FAF1: variants seen among roughly 807,000 people sequenced by gnomAD.
FAF1 encodes the protein Fas associated factor 1.
In FAF1, 25 loss-of-function variants were observed where a neutral mutation model predicts 92.5. The observed-to-expected ratio is 0.27, with a 90% CI of 0.20 to 0.38. The LOEUF (loss-of-function observed/expected upper bound fraction) is 0.38, where lower values mean the gene tolerates loss of function less well. Ranked by LOEUF, FAF1 falls within the 10% of genes least tolerant of loss-of-function variation. The probability of loss-of-function intolerance (pLI) is 1.00; values close to 1 mark genes in which losing one functional copy is unlikely to be tolerated. For missense variants in FAF1, 636 were observed against 793.3 expected (o/e 0.80, Z 2.38); for synonymous variants, 234 against 273.2 (o/e 0.86, Z 1.42).
intron 4 of FAF1, among the ~76,000 whole-genome samples, chr1:50,774,120 T>A (rs1054375809): frequency 6.6e-6 from 1 of 152,186 alleles, no homozygotes; most frequent in African/African-American, 2.4e-5. Flanking sequence ...GCAACAGACA[T>A]CAGTTTGCAG....
chr1:50,938,258 C>T (rs560557277), intron 1 of FAF1, among the ~76,000 whole-genome samples: 2 of 152,152 alleles, frequency 1.3e-5, no homozygotes, highest in South Asian at 4.1e-4. Context: ...TAACAAATAG[C>T]AACTGCAAGA....
intron 8 of FAF1, among the ~76,000 whole-genome samples, chr1:50,618,143 A>G (rs569448160): frequency 2.0e-5 from 3 of 152,130 alleles, no homozygotes; most frequent in Admixed American, 6.5e-5. Flanking sequence ...TTGCATCTCA[A>G]TTTCATCATG....
intron 7 of FAF1, among the ~76,000 whole-genome samples, chr1:50,671,483 A>G (rs1474215338): frequency 6.6e-6 from 1 of 152,136 alleles, no homozygotes; most frequent in African/African-American, 2.4e-5. Flanking sequence ...ATCAATCCAT[A>G]CATTCACAAA....
intron 1 of FAF1, among the ~76,000 whole-genome samples, chr1:50,945,132 T>TA (rs1645163857): frequency 1.3e-5 from 2 of 152,204 alleles, no homozygotes; most frequent in African/African-American, 4.8e-5. Context: ...AAGCATCAAA[T>TA]ACCTTGACAA....
intron 1 of FAF1, among the ~76,000 whole-genome samples, chr1:50,910,313 T>C (rs899586913): frequency 6.6e-6 from 1 of 152,200 alleles, no homozygotes; most frequent in African/African-American, 2.4e-5. Context: ...GTCTCCCAGT[T>C]AGGCTACTCA....
chr1:50,693,031 C>T (rs570789738), intron 7 of FAF1, among the ~76,000 whole-genome samples: 14 of 152,252 alleles, frequency 9.2e-5, no homozygotes, highest in Non-Finnish European at 1.6e-4. Context: ...TGTCATTTTA[C>T]TGATGATGCC....
chr1:50,549,270 AAATT>A (rs1649176045), intron 13 of FAF1, among the ~76,000 whole-genome samples: 1 of 152,118 alleles, frequency 6.6e-6, no homozygotes, highest in Admixed American at 6.5e-5. Context: ...CATGTTCCCT[AAATT>A]TTCTAGCTGC....
intron 1 of FAF1, among the ~76,000 whole-genome samples, chr1:50,906,193 G>A (rs546600430): frequency 7.2e-5 from 11 of 152,108 alleles, no homozygotes; most frequent in Non-Finnish European, 1.2e-4. Context: ...GGTTGTAGAT[G>A]TGTGGTATTA....
chr1:50,935,282 A>C (rs1489920703), intron 1 of FAF1, among the ~76,000 whole-genome samples: 1 of 152,198 alleles, frequency 6.6e-6, no homozygotes, highest in Non-Finnish European at 1.5e-5. Flanking sequence ...TTTTCTAGGA[A>C]GGATGATCAT....
intron 6 of FAF1, among the ~76,000 whole-genome samples, chr1:50,728,503 G>A (rs555445953): frequency 6.6e-6 from 1 of 152,066 alleles, no homozygotes; most frequent in Non-Finnish European, 1.5e-5. Context: ...GAAAGCTAGT[G>A]GAGAGGGCCA....
rs199634797 is a variant in FAF1 at position 50,738,918 on chromosome 1, T to C, written c.496A>G (p.Ser166Gly). 26 of 1,608,950 alleles carry C rather than the reference T, an allele frequency of 1.6e-5. No individual in the cohort carries two copies. Among genetic ancestry groups the C allele is most frequent in the Middle Eastern group, 3.3e-4 (2 of 6,070 alleles). ...LKSLHLPKNN[S>G]LYVLTPDLPP... ...AAATCTGGTGTAAGGACATAAAGAC[T>C]GTTGTTTTTTGGCAAGTGTAGAGAT... Residue 166 changes from serine to glycine, a missense_variant, in exon 6 of 19, where the codon AGT becomes GGT. Ser to Gly is a moderately conservative substitution (Grantham distance 56). This residue lies in a region of FAF1 where 317 missense variants were observed against 342.4 expected (regional missense o/e 0.93). Transcript: ENST00000396153.
intron 1 of FAF1, among the ~76,000 whole-genome samples, chr1:50,914,886 C>A (rs1557587516): frequency 6.6e-6 from 1 of 152,162 alleles, no homozygotes; most frequent in Admixed American, 6.5e-5. Flanking sequence ...CTTGTTTTCA[C>A]CAGCCTAGAC....
chr1:50,781,541 C>G (rs999182199), intron 4 of FAF1, among the ~76,000 whole-genome samples: 1 of 151,996 alleles, frequency 6.6e-6, no homozygotes, highest in Non-Finnish European at 1.5e-5. Context: ...AAAACAGACA[C>G]CAACATACTT....
At chr1:50,899,987 T>C (rs577421742) in intron 1 of FAF1, among the ~76,000 whole-genome samples, 1 of 152,358 alleles carries the variant, frequency 6.6e-6, no homozygotes, top group East Asian at 1.9e-4. Flanking sequence ...AAATAGTCTA[T>C]GCTTTGTGTG....
chr1:50,659,159 G>A (rs994636964), intron 7 of FAF1, among the ~76,000 whole-genome samples: 4 of 151,706 alleles, frequency 2.6e-5, no homozygotes, highest in Non-Finnish European at 4.4e-5. Flanking sequence ...AAATGATACA[G>A]ATGAATTTAA....
At chr1:50,635,904 A>G (rs1267604575) in intron 8 of FAF1, among the ~76,000 whole-genome samples, 2 of 152,240 alleles carry the variant, frequency 1.3e-5, no homozygotes, top group African/African-American at 4.8e-5. Flanking sequence ...GCCTCTTGGT[A>G]TTATAATTCC....
At chr1:50,618,726 A>T (rs1407462792) in intron 8 of FAF1, among the ~76,000 whole-genome samples, 1 of 150,572 alleles carries the variant, frequency 6.6e-6, no homozygotes, top group Non-Finnish European at 1.5e-5. Context: ...CATTTGTTTT[A>T]TCGAATATAA....
At chr1:50,616,624 T>G (rs987580656) in intron 8 of FAF1, among the ~76,000 whole-genome samples, 1 of 152,178 alleles carries the variant, frequency 6.6e-6, no homozygotes, top group Non-Finnish European at 1.5e-5. Flanking sequence ...GTTCTTAGTT[T>G]GACTCTCAGC....
chr1:50,932,880 A>T (rs1645059326), intron 1 of FAF1, among the ~76,000 whole-genome samples: 1 of 152,090 alleles, frequency 6.6e-6, no homozygotes, highest in South Asian at 2.1e-4. Context: ...TCAATTCTTG[A>T]CTTCTGTGCA....
Sources: gnomAD v4.1 joint callset for allele counts (sites outside exome capture counted in the v4.1 genomes callset) on GRCh38, gnomAD v4.1.1 for gene constraint, gnomAD v4.1.1 regional missense constraint, MANE v1.5 for transcripts, NCBI Gene and HGNC (gene_info 2026-07-23, HGNC 2026-07-21) for gene names.